Variants in DPP10 observed in about 807,000 individuals in gnomAD.
The protein encoded by DPP10 is inactive dipeptidyl peptidase 10.
Under a neutral mutation model 120.9 loss-of-function variants are expected in DPP10, and 33 were observed. The observed-to-expected ratio is 0.27, with a 90% CI of 0.21 to 0.37. The LOEUF (loss-of-function observed/expected upper bound fraction) is 0.37, where lower values mean the gene tolerates loss of function less well. Ranked by LOEUF, DPP10 falls within the 10% of genes least tolerant of loss-of-function variation. The pLI, the probability that DPP10 is intolerant of heterozygous loss-of-function variation, is 1.00. For synonymous variants in DPP10, 337 were observed against 326.1 expected (o/e 1.03, Z -0.36); for missense variants, 816 against 942.8 (o/e 0.87, Z 1.76).
chr2:115,078,336 T>A, intron 1 of DPP10, among the ~76,000 whole-genome samples: 1 of 152,192 alleles, frequency 6.6e-6, no homozygotes, highest in East Asian at 1.9e-4. Context: ...AAGAAAATTA[T>A]ACTGTAACCT....
chr2:115,368,787 A>C (rs1448349700), intron 3 of DPP10, among the ~76,000 whole-genome samples: 1 of 121,504 alleles, frequency 8.2e-6, no homozygotes, highest in African/African-American at 2.8e-5. Flanking sequence ...ATTGAAATTA[A>C]TTTTAATTTT....
intron 1 of DPP10, among the ~76,000 whole-genome samples, chr2:114,840,980 C>A (rs1688112913): frequency 6.6e-6 from 1 of 152,108 alleles, no homozygotes; most frequent in South Asian, 2.1e-4. Context: ...CCAGACTGGA[C>A]CCTGCAGGGA....
At chr2:114,854,536 A>G (rs1689221219) in intron 1 of DPP10, among the ~76,000 whole-genome samples, 1 of 152,186 alleles carries the variant, frequency 6.6e-6, no homozygotes, top group African/African-American at 2.4e-5. Flanking sequence ...CAAAAGCTTC[A>G]GGAAGAGTTT....
At chr2:115,474,178 C>CA (rs67230052) in intron 3 of DPP10, among the ~76,000 whole-genome samples, 147,569 of 152,298 alleles carry the variant, frequency 0.97, 71,667 homozygotes, top group East Asian at 1. Context: ...TTCATAATCA[C>CA]AAAGGGAAAT....
intron 1 of DPP10, among the ~76,000 whole-genome samples, chr2:114,807,847 A>T (rs1050615753): frequency 6.6e-6 from 1 of 152,226 alleles, no homozygotes; most frequent in Non-Finnish European, 1.5e-5. Context: ...AGCCTGGGGT[A>T]TCACCTGAAG....
At chr2:114,814,510 A>G (rs1408904928) in intron 1 of DPP10, among the ~76,000 whole-genome samples, 1 of 152,076 alleles carries the variant, frequency 6.6e-6, no homozygotes, top group Non-Finnish European at 1.5e-5. Flanking sequence ...CTATAATGAT[A>G]TATTTTGTTT....
At chr2:115,642,399 A>G (rs1243269662) in intron 5 of DPP10, among the ~76,000 whole-genome samples, 1 of 152,168 alleles carries the variant, frequency 6.6e-6, no homozygotes, top group Non-Finnish European at 1.5e-5. Flanking sequence ...AGGTCTTATC[A>G]GAAAAAAATT....
At chr2:115,359,886 A>T (rs1282616503) in intron 3 of DPP10, among the ~76,000 whole-genome samples, 1 of 152,108 alleles carries the variant, frequency 6.6e-6, no homozygotes. Flanking sequence ...TTATTTCCTC[A>T]GCATTGTCTA....
chr2:115,721,138 T>G (rs945218383), intron 7 of DPP10, among the ~76,000 whole-genome samples: 5 of 152,206 alleles, frequency 3.3e-5, no homozygotes, highest in Non-Finnish European at 7.3e-5. Context: ...CATGTACATT[T>G]AAGACATATG....
At position 115,570,872 on chromosome 2, in the gene DPP10, T is replaced by A. The variant is rs544188197; in HGVS notation, c.441+44900T>A. Among the ~76,000 whole-genome samples the A allele has an allele frequency of 3.9e-5, 6 of 152,352 alleles. No individual in the cohort carries two copies. In the South Asian group the frequency reaches 1.2e-3, roughly 32 times the overall value. On this transcript the variant is annotated intron_variant, in intron 5 of 25. Coordinates refer to ENST00000410059, the MANE Select transcript of DPP10 (RefSeq NM_020868.6). ...ATTGTTATTCAGTATACTTGTATTTTACATACTGCCTTGTAGGGTTATTTC... is the reference window on the plus strand; with the variant it reads ...ATTGTTATTCAGTATACTTGTATTTAACATACTGCCTTGTAGGGTTATTTC...
chr2:115,334,228 C>CTTTTTTTTTTTTTTT (rs1393213758), intron 2 of DPP10, among the ~76,000 whole-genome samples: 1 of 22,326 alleles, frequency 4.5e-5, no homozygotes, highest in Non-Finnish European at 1.3e-4. Flanking sequence ...AGAGCAGACT[C>CTTTTTTTTTTTTTTT]TGTTTTTTTT....
intron 1 of DPP10, among the ~76,000 whole-genome samples, chr2:114,930,448 C>A (rs1695982628): frequency 6.6e-6 from 1 of 152,126 alleles, no homozygotes; most frequent in Admixed American, 6.5e-5. Flanking sequence ...TTAAATTTGT[C>A]CTTTCATTAA....
At chr2:115,476,916 A>G (rs1018811400) in intron 3 of DPP10, among the ~76,000 whole-genome samples, 2 of 146,202 alleles carry the variant, frequency 1.4e-5, no homozygotes, top group Non-Finnish European at 3.0e-5. Context: ...TAAAAATTAC[A>G]TGATCATCAC....
At chr2:115,667,043 A>G (rs1326706749) in intron 5 of DPP10, among the ~76,000 whole-genome samples, 1 of 152,116 alleles carries the variant, frequency 6.6e-6, no homozygotes, top group African/African-American at 2.4e-5. Context: ...GCCATGCATA[A>G]CTGTGAATCA....
intron 1 of DPP10, among the ~76,000 whole-genome samples, chr2:114,996,462 T>G (rs1701091050): frequency 6.6e-6 from 1 of 152,240 alleles, no homozygotes; most frequent in African/African-American, 2.4e-5. Context: ...TTTTTTGACT[T>G]GTTACTAGAA....
At chr2:115,561,608 T>C (rs1484850641) in intron 5 of DPP10, among the ~76,000 whole-genome samples, 1 of 152,154 alleles carries the variant, frequency 6.6e-6, no homozygotes, top group Non-Finnish European at 1.5e-5. Flanking sequence ...AAGGGATACA[T>C]TTTGTATGAT....
chr2:115,772,464 A>C (rs918953201), intron 13 of DPP10, among the ~76,000 whole-genome samples: 1 of 152,150 alleles, frequency 6.6e-6, no homozygotes, highest in Non-Finnish European at 1.5e-5. Context: ...AAAATTTGTG[A>C]GTGTTTTCTC....
chr2:115,232,391 C>T (rs780521256), intron 1 of DPP10, among the ~76,000 whole-genome samples: 22 of 152,016 alleles, frequency 1.4e-4, no homozygotes, highest in Non-Finnish European at 1.2e-4. Flanking sequence ...GGAGAAGGCA[C>T]TTAGCAAACT....
At chr2:115,485,659 C>A (rs2075733422) in intron 3 of DPP10, among the ~76,000 whole-genome samples, 2 of 151,958 alleles carry the variant, frequency 1.3e-5, no homozygotes, top group Admixed American at 6.6e-5. Flanking sequence ...CTGAAATATG[C>A]AGAAATTGAT....
Sources: allele counts gnomAD v4.1 joint callset (sites outside exome capture counted in the v4.1 genomes callset), GRCh38; gene constraint gnomAD v4.1.1; transcripts MANE v1.5; gene names NCBI Gene and HGNC (gene_info 2026-07-23, HGNC 2026-07-21).